The following CD1A variants were observed in gnomAD, a reference collection of about 807,000 sequenced individuals.
CD1A encodes CD1a molecule.
Under a neutral mutation model 38.3 loss-of-function variants are expected in CD1A, and 50 were observed. That is an observed-to-expected ratio of 1.30 (90% CI 1.04 to 1.65). The LOEUF is 1.65. Ranked by LOEUF, CD1A falls within the 40% of genes most tolerant of loss-of-function variation. CD1A has a pLI of 0.00. For synonymous variants in CD1A, 160 were observed against 150.8 expected, an observed-to-expected ratio of 1.06 and a Z score of -0.45; for missense variants, 459 against 406.1, an observed-to-expected ratio of 1.13 and a Z score of -1.12.
chr1:158,252,931 A>G (rs908355838), upstream of CD1A, among the ~76,000 whole-genome samples: 4 of 151,402 alleles, frequency 2.6e-5, no homozygotes, highest in African/African-American at 9.7e-5. Flanking sequence ...ACAAAAAACA[A>G]ATAAAAAAAT....
chr1:158,251,352 A>T (rs746183801), upstream of CD1A, among the ~76,000 whole-genome samples: 2 of 152,230 alleles, frequency 1.3e-5, no homozygotes, highest in Non-Finnish European at 2.9e-5. Flanking sequence ...AGTGAACTGC[A>T]GTGTGAGGGT....
At chr1:158,248,756 CA>C in the CD1A span, among the ~76,000 whole-genome samples, 2 of 152,114 alleles carry the variant, frequency 1.3e-5, no homozygotes, top group African/African-American at 4.8e-5. Flanking sequence ...CCCCCACCCC[CA>C]ATTTCTCAGC....
rs542538141 is a variant in CD1A at position 158,255,664 on chromosome 1, C to A, written c.325+314C>A. Among the ~76,000 whole-genome samples, 792 of 152,270 alleles carry A rather than the reference C, an allele frequency of 5.2e-3. 6 individuals carry two copies. Among genetic ancestry groups the A allele is most frequent in the Non-Finnish European group, 5.9e-3 (402 of 68,002 alleles). ...CCTTCAGCTTTCTCACTTTCTCATT[C>A]ATTCTCTTCAGCAGTCTCTCTATAT... is the stretch of plus-strand genomic sequence containing the variant. On this transcript the variant is annotated intron_variant, in intron 2 of 5. Coordinates refer to ENST00000289429, the MANE Select transcript of CD1A (RefSeq NM_001763.3).
chr1:158,249,989 C>G (rs192882898), upstream of CD1A, among the ~76,000 whole-genome samples: 4 of 152,344 alleles, frequency 2.6e-5, no homozygotes, highest in Admixed American at 6.5e-5. Flanking sequence ...GGTGGGAAAG[C>G]ATGTCGTCCT....
upstream of CD1A, chr1:158,254,192 T>TGAATGTA: frequency 1.0e-6 from 1 of 999,102 alleles, no homozygotes; most frequent in Non-Finnish European, 1.2e-6. Flanking sequence ...ATCAGAAATG[T>TGAATGTA]GAATGTAGTA....
At position 158,257,443 on chromosome 1, in the gene CD1A, C is replaced by T. The variant is rs1318762759; in HGVS notation, c.906C>T (p.Phe302=). Reference sequence around the variant, plus strand: ...CAGAGCATCACAGTTCCGTGGGCTTCATCATCTTGGCGGTGATAGTGCCTT... The same window carrying T: ...CAGAGCATCACAGTTCCGTGGGCTTTATCATCTTGGCGGTGATAGTGCCTT... The part of the protein sequence containing the change: ...LYWEHHSSVG[F]IILAVIVPLL... The change falls in exon 5 of 6, where the codon TTC becomes TTT. Residue 302 remains phenylalanine (F), a synonymous_variant. Transcript: ENST00000289429. 6.2e-7 allele frequency: 1 copy of T among 1,614,104 alleles called. No individual in the cohort carries two copies. Among genetic ancestry groups the T allele is most frequent in the Non-Finnish European group, 8.5e-7 (1 of 1,179,940 alleles).
At chr1:158,255,916 A>G in intron 2 of CD1A, 88 bp from the exon 3 acceptor site, 2 of 1,198,512 alleles carry the variant, frequency 1.7e-6, no homozygotes, top group Non-Finnish European at 2.4e-6. Flanking sequence ...AACCCTGCAC[A>G]CTTCCCCCTT....
rs1362474295 is a variant in CD1A, at chr1:158,256,963, A to T, written c.782A>T (p.Tyr261Phe). Reference sequence around the variant, plus strand: ...TTGCCCAGTGCTGATGGGACATGGTATCTCCGCGCAACCCTGGAGGTGGCC... The same window carrying T: ...TTGCCCAGTGCTGATGGGACATGGTTTCTCCGCGCAACCCTGGAGGTGGCC... Reference protein sequence around the residue: ...DILPSADGTWYLRATLEVAAG... With the variant: ...DILPSADGTWFLRATLEVAAG... The change falls in exon 4 of 6, where the codon TAT becomes TTT. Residue 261 changes from tyrosine to phenylalanine, a missense_variant. Transcript: ENST00000289429. The T allele has an allele frequency of 1.2e-6, 2 of 1,614,178 alleles. No individual in the cohort carries two copies. The highest frequency in any genetic ancestry group is 1.7e-6 in the Non-Finnish European group (2 of 1,180,038).
chr1:158,248,387 A>G, the CD1A span: 1 of 985,254 alleles, frequency 1.0e-6, no homozygotes, highest in African/African-American at 1.7e-5. Flanking sequence ...TTTAGGAGCC[A>G]TGTTTGCGTT....
chr1:158,249,262 A>G, the CD1A span, among the ~76,000 whole-genome samples: 1,762 of 152,282 alleles, frequency 0.012, 27 homozygotes, highest in African/African-American at 0.041. Flanking sequence ...GGCTGCTACA[A>G]CAGAATACCA....
chr1:158,256,294 A>G lies in CD1A; in HGVS notation c.604+12A>G. On this transcript the variant is annotated intron_variant, in intron 3 of 5. Coordinates refer to ENST00000289429, the MANE Select transcript of CD1A (RefSeq NM_001763.3). Reference sequence around the variant, plus strand: ...TCTCCAGCGGCAAGGTCAGTCCTGCACTCTCCCTCCAAGAAGTTTTGATTT... The same window carrying G: ...TCTCCAGCGGCAAGGTCAGTCCTGCGCTCTCCCTCCAAGAAGTTTTGATTT... 4.4e-6 allele frequency: 7 copies of G among 1,604,828 alleles called. No homozygotes were observed. The highest frequency in any genetic ancestry group is 2.2e-5 in the South Asian group (2 of 90,626).
rs144185153 is a variant in CD1A, at chr1:158,254,726, C to T, written c.57C>T (p.Asp19=). The part of the protein sequence containing the change: ...LAVLPGDGNA[D]GLKEPLSFHV... ...TTCTCCCAGGTGATGGCAATGCAGACGGTAAGAACTCTGACAACTGCCCAG... is the reference window on the plus strand; with the variant it reads ...TTCTCCCAGGTGATGGCAATGCAGATGGTAAGAACTCTGACAACTGCCCAG... Residue 19 remains aspartate, a splice_region_variant and synonymous_variant, in exon 1 of 6, where the codon GAC becomes GAT. Coordinates refer to ENST00000289429, the MANE Select transcript of CD1A (RefSeq NM_001763.3). The T allele has an allele frequency of 2.9e-4, 461 of 1,609,208 alleles. No individual in the cohort carries two copies. Among genetic ancestry groups the T allele is most frequent in the East Asian group, 1.7e-3 (75 of 44,814 alleles).
At chr1:158,252,924 A>T (rs1650124419), upstream of CD1A, among the ~76,000 whole-genome samples, 2 of 151,798 alleles carry the variant, frequency 1.3e-5, no homozygotes, top group South Asian at 4.2e-4. Context: ...AAACAAAACA[A>T]AAAACAAATA....
upstream of CD1A, among the ~76,000 whole-genome samples, chr1:158,251,863 T>C (rs1650096626): frequency 6.6e-6 from 1 of 152,036 alleles, no homozygotes; most frequent in African/African-American, 2.4e-5. Context: ...GTTAGGGCTT[T>C]TTTTTTTCTT....
rs564670792 is a variant in CD1A, at chr1:158,257,915, A to G, written c.*225A>G. ...TCTGACCTGGGTTCTGGGACTTTTA[A>G]ATTCAAATTTTATCTCCAGATGGAA... On this transcript the variant is annotated 3_prime_UTR_variant, in exon 6 of 6. Coordinates refer to ENST00000289429, the MANE Select transcript of CD1A (RefSeq NM_001763.3). 5 of 537,580 alleles carry G rather than the reference A, an allele frequency of 9.3e-6. No homozygotes were observed. The African/African-American group carries it at 9.5e-5, about 10-fold the overall frequency. The allele number at this position is 537,580 out of a possible 1,614,324, so 33.3% of individuals were successfully genotyped here.
chr1:158,257,337 G>GC, intron 4 of CD1A, 84 bp from the exon 5 acceptor site: 1 of 1,092,248 alleles, frequency 9.2e-7, no homozygotes, highest in Non-Finnish European at 1.4e-6. Flanking sequence ...AAAAAAAGAA[G>GC]CCCAGGGAAT....
chr1:158,254,542 C>A lies in CD1A; in HGVS notation c.-128C>A. 1 of 1,534,442 alleles carries A rather than the reference C, an allele frequency of 6.5e-7. No homozygotes were observed. The highest frequency in any genetic ancestry group is 2.3e-5 in the East Asian group (1 of 42,930). On this transcript the variant is annotated 5_prime_UTR_variant, in exon 1 of 6. Transcript: ENST00000289429. Reference sequence around the variant, plus strand: ...TTGAAGGAGTGGATTTTCTTTGTTGCAGTCAGGGGAGGTTTGTCTGTTGGC... The same window carrying A: ...TTGAAGGAGTGGATTTTCTTTGTTGAAGTCAGGGGAGGTTTGTCTGTTGGC...
At chr1:158,257,269 G>A in intron 4 of CD1A, 152 bp from the exon 5 acceptor site, 1 of 905,398 alleles carries the variant, frequency 1.1e-6, no homozygotes. Context: ...CCATCTCTGA[G>A]CAGGGATGAG....
Position 158,257,495 on chromosome 1 carries a change from T to C in CD1A, c.958T>C (p.Trp320Arg). The C allele has an allele frequency of 1.9e-6, 3 of 1,613,992 alleles. No individual in the cohort carries two copies. Among genetic ancestry groups the C allele is most frequent in the Non-Finnish European group, 2.5e-6 (3 of 1,179,866 alleles). Residue 320 changes from tryptophan (W) to arginine (R), a missense_variant, in exon 5 of 6, where the codon TGG becomes CGG. Trp to Arg is a moderately radical substitution (Grantham distance 101). Coordinates refer to ENST00000289429, the MANE Select transcript of CD1A (RefSeq NM_001763.3). ...PLLLLIGLALWFRKRCFC is the reference protein window; with the variant it reads ...PLLLLIGLALRFRKRCFC The stretch of plus-strand genomic sequence containing the variant: ...ACTTCTTCTGATAGGTCTTGCGCTT[T>C]GGTTCAGGAAACGCTGGTGAGTTCT...
Sources: allele counts gnomAD v4.1 joint callset (sites outside exome capture counted in the v4.1 genomes callset), GRCh38; gene constraint gnomAD v4.1.1; transcripts MANE v1.5; gene names NCBI Gene and HGNC (gene_info 2026-07-23, HGNC 2026-07-21).